GRIK4: variants seen among roughly 807,000 people sequenced by gnomAD.
The protein encoded by GRIK4 is glutamate receptor ionotropic, kainate 4.
A neutral mutation model predicts 104.9 loss-of-function variants in GRIK4; 40 were observed. The observed-to-expected ratio is 0.38, with a 90% CI of 0.30 to 0.50. The LOEUF is 0.50. Among genes scored for constraint, GRIK4 ranks in the 20% least tolerant of loss-of-function variants. The probability of loss-of-function intolerance (pLI) is 0.93; values close to 1 mark genes in which losing one functional copy is unlikely to be tolerated. For missense variants in GRIK4, 1,047 were observed against 1,308.1 expected, an observed-to-expected ratio of 0.80 and a Z score of 3.08; for synonymous variants, 485 against 524.9, an observed-to-expected ratio of 0.92 and a Z score of 1.04.
chr11:120,851,796 A>C (rs1953980735), intron 8 of GRIK4, among the ~76,000 whole-genome samples: 1 of 151,538 alleles, frequency 6.6e-6, no homozygotes. Flanking sequence ...TGGAGAACCC[A>C]TTATTTGATC....
At chr11:120,871,654 G>A (rs1161919432) in intron 9 of GRIK4, 7 of 456,274 alleles carry the variant, frequency 1.5e-5, no homozygotes, top group Non-Finnish European at 8.8e-6. Context: ...AGACTCGACG[G>A]AGGCCGAGGG....
In GRIK4 at chr11:120,985,916, C is replaced by T. The variant is rs1429314435; in HGVS notation, c.2527C>T (p.Gln843Ter). 3.2e-6 allele frequency: 5 copies of T among 1,551,792 alleles called. No homozygotes were observed. The highest frequency in any genetic ancestry group is 8.7e-7 in the Non-Finnish European group (1 of 1,147,678). The change falls in exon 21 of 21, where the codon CAG becomes TAG. Residue 843 changes from glutamine (Q) to a stop codon, truncating the protein, a stop_gained. Transcript: ENST00000527524. LOFTEE classifies it high-confidence loss of function. ...CTGTCTCCTCCAGGTGTCCGTCTGCCAGGAGATGGTGACCGAGCTGCGCAG... is the reference window on the plus strand; with the variant it reads ...CTGTCTCCTCCAGGTGTCCGTCTGCTAGGAGATGGTGACCGAGCTGCGCAG... ...HSEATEVSVC[Q>*]EMVTELRSII...
chr11:120,635,050 T>C (rs1224284505), intron 1 of GRIK4, among the ~76,000 whole-genome samples: 1 of 152,108 alleles, frequency 6.6e-6, no homozygotes, highest in African/African-American at 2.4e-5. Flanking sequence ...TTGCCTTCTT[T>C]CCGTTTTCCA....
rs574941699 is a variant in GRIK4, at chr11:120,573,947, C to T, written c.-159+62060C>T. ...GGCCTTCGGGCTCCTGCTGATTCAT[C>T]TTGCTGACTCCAGGCTCGGGGCTGC... On this transcript the variant is annotated intron_variant, in intron 1 of 20. Coordinates refer to ENST00000527524, the MANE Select transcript of GRIK4 (RefSeq NM_014619.5). Among the ~76,000 whole-genome samples, 16 of 152,330 alleles carry T rather than the reference C, an allele frequency of 1.1e-4. No homozygotes were observed. In the South Asian group the frequency reaches 3.3e-3, roughly 32 times the overall value.
At chr11:120,686,244 T>C (rs1950275285) in intron 3 of GRIK4, among the ~76,000 whole-genome samples, 1 of 152,178 alleles carries the variant, frequency 6.6e-6, no homozygotes, top group Non-Finnish European at 1.5e-5. Flanking sequence ...ACTTTACTCA[T>C]ACCCTGCCCT....
chr11:120,861,929 A>G (rs1437343737), intron 8 of GRIK4, 30 bp from the exon 9 acceptor site: 1 of 1,585,232 alleles, frequency 6.3e-7, no homozygotes, highest in Non-Finnish European at 8.7e-7. Context: ...TCCTAACTAC[A>G]TTCTTATTTC....
At position 120,692,029 on chromosome 11, in the gene GRIK4, C is replaced by T. The variant is rs1163499044; in HGVS notation, c.82+31629C>T. Reference sequence around the variant, plus strand: ...GTGGTTGGATTGCACTGAACACAGCCCCTCTATGGGTGATGTCCCTTCCAT... The same window carrying T: ...GTGGTTGGATTGCACTGAACACAGCTCCTCTATGGGTGATGTCCCTTCCAT... On this transcript the variant is annotated intron_variant, in intron 3 of 20. Coordinates refer to ENST00000527524, the MANE Select transcript of GRIK4 (RefSeq NM_014619.5). Among the ~76,000 whole-genome samples, 4 of 152,314 alleles carry T rather than the reference C, an allele frequency of 2.6e-5. No individual in the cohort carries two copies. In the East Asian group the frequency reaches 7.7e-4, roughly 29 times the overall value.
intron 1 of GRIK4, among the ~76,000 whole-genome samples, chr11:120,514,709 C>T (rs947203083): frequency 1.3e-5 from 2 of 152,206 alleles, no homozygotes; most frequent in Non-Finnish European, 2.9e-5. Context: ...GGCACTGCCT[C>T]TTGCCTCCTC....
intron 3 of GRIK4, among the ~76,000 whole-genome samples, chr11:120,795,206 G>T (rs1952486531): frequency 6.6e-6 from 1 of 152,196 alleles, no homozygotes; most frequent in Non-Finnish European, 1.5e-5. Flanking sequence ...CGAAGTGCAT[G>T]GAAATCTTCA....
chr11:120,620,807 C>G (rs1331624781), intron 1 of GRIK4, among the ~76,000 whole-genome samples: 1 of 152,198 alleles, frequency 6.6e-6, no homozygotes, highest in Non-Finnish European at 1.5e-5. Context: ...AACTATCAGA[C>G]ACTACTTATT....
chr11:120,834,263 G>GGTGTGTGTGTGTGTGT (rs141196181), intron 7 of GRIK4, among the ~76,000 whole-genome samples: 37 of 145,992 alleles, frequency 2.5e-4, no homozygotes, highest in Non-Finnish European at 4.4e-4. Flanking sequence ...ACACTTTATA[G>GGTGTGTGTGTGTGTGT]GTGTGTGTGT....
At chr11:120,595,402 C>A (rs1449342485) in intron 1 of GRIK4, among the ~76,000 whole-genome samples, 1 of 152,200 alleles carries the variant, frequency 6.6e-6, no homozygotes, top group Non-Finnish European at 1.5e-5. Context: ...TTTCGGTATA[C>A]TTTTTTTCTT....
intron 1 of GRIK4, among the ~76,000 whole-genome samples, chr11:120,569,870 CACATCTGCT>C (rs1680910369): frequency 6.6e-6 from 1 of 152,170 alleles, no homozygotes; most frequent in African/African-American, 2.4e-5. Context: ...TCCCAAAGAC[CACATCTGCT>C]AGATGTGTAT....
At chr11:120,744,231 G>T (rs1311113467) in intron 3 of GRIK4, among the ~76,000 whole-genome samples, 1 of 152,152 alleles carries the variant, frequency 6.6e-6, no homozygotes, top group Non-Finnish European at 1.5e-5. Flanking sequence ...TTAAAGCTCG[G>T]CTCCATCAGA....
intron 3 of GRIK4, among the ~76,000 whole-genome samples, chr11:120,723,501 A>G (rs1201922971): frequency 6.6e-6 from 1 of 152,212 alleles, no homozygotes; most frequent in Non-Finnish European, 1.5e-5. Context: ...TCCCTGAATC[A>G]AAGAAGGTCA....
chr11:120,793,088 C>T (rs1340973562), intron 3 of GRIK4, among the ~76,000 whole-genome samples: 3 of 152,232 alleles, frequency 2.0e-5, no homozygotes, highest in East Asian at 1.9e-4. Flanking sequence ...GGTTGTAAGT[C>T]GTATTGCCAG....
chr11:120,954,547 C>T (rs1944088668), intron 15 of GRIK4, among the ~76,000 whole-genome samples: 1 of 152,070 alleles, frequency 6.6e-6, no homozygotes, highest in Non-Finnish European at 1.5e-5. Context: ...TGGCATGCCA[C>T]AACACTCAGG....
At chr11:120,517,423 CAA>C (rs1947743080) in intron 1 of GRIK4, among the ~76,000 whole-genome samples, 1 of 148,668 alleles carries the variant, frequency 6.7e-6, no homozygotes, top group Non-Finnish European at 1.5e-5. Flanking sequence ...CTTGTGTTGT[CAA>C]AGTGAGGCTG....
intron 13 of GRIK4, among the ~76,000 whole-genome samples, chr11:120,931,923 C>T (rs548513744): frequency 6.6e-6 from 1 of 152,234 alleles, no homozygotes; most frequent in South Asian, 2.1e-4. Flanking sequence ...CTCTGGCCTT[C>T]CCACAGCCCC....
Sources: gnomAD v4.1 joint callset for allele counts (sites outside exome capture counted in the v4.1 genomes callset) on GRCh38, gnomAD v4.1.1 for gene constraint, MANE v1.5 for transcripts, NCBI Gene and HGNC (gene_info 2026-07-23, HGNC 2026-07-21) for gene names.